Variants in ADARB2 observed in about 807,000 individuals in gnomAD.
ADARB2 encodes the protein inactive double-stranded RNA-specific editase B2.
ADARB2 carries 25 observed loss-of-function variants against 62.2 expected under a neutral mutation model. That is an observed-to-expected ratio of 0.40 (90% CI 0.29 to 0.56). The LOEUF (loss-of-function observed/expected upper bound fraction) is 0.56. Ranked by LOEUF, ADARB2 falls within the 20% of genes least tolerant of loss-of-function variation. The probability of loss-of-function intolerance (pLI) is 0.43; values close to 1 mark genes in which losing one functional copy is unlikely to be tolerated. For missense variants in ADARB2, 1,071 were observed against 1,077.4 expected (o/e 0.99, Z 0.08); for synonymous variants, 572 against 500.8 (o/e 1.14, Z -1.90).
chr10:1,509,806 G>C (rs980576118), intron 1 of ADARB2, among the ~76,000 whole-genome samples: 3 of 152,228 alleles, frequency 2.0e-5, no homozygotes, highest in African/African-American at 4.8e-5. Flanking sequence ...ATTCAGATGA[G>C]AGCCTGGCTA....
At chr10:1,553,178 G>A (rs4528239) in intron 1 of ADARB2, among the ~76,000 whole-genome samples, 61,657 of 152,092 alleles carry the variant, frequency 0.41, 12,614 homozygotes, top group African/African-American at 0.42. Context: ...TGTTTTAATC[G>A]TTAATTACCA....
chr10:1,692,206 G>A (rs567446115), intron 1 of ADARB2, among the ~76,000 whole-genome samples: 3 of 152,298 alleles, frequency 2.0e-5, no homozygotes, highest in African/African-American at 7.2e-5. Flanking sequence ...AGCATCACAT[G>A]GACATTTAAA....
chr10:1,524,095 T>TAGAG (rs1832109841), intron 1 of ADARB2, among the ~76,000 whole-genome samples: 1 of 152,232 alleles, frequency 6.6e-6, no homozygotes, highest in South Asian at 2.1e-4. Flanking sequence ...GATAGATAGA[T>TAGAG]AGATAGATTA....
At chr10:1,564,468 C>A (rs1301093795) in intron 1 of ADARB2, among the ~76,000 whole-genome samples, 2 of 152,088 alleles carry the variant, frequency 1.3e-5, no homozygotes, top group Admixed American at 6.5e-5. Context: ...TCAGAGTGAA[C>A]AGGCAACCTA....
chr10:1,481,672 C>A (rs959621743), intron 1 of ADARB2, among the ~76,000 whole-genome samples: 6 of 151,974 alleles, frequency 3.9e-5, no homozygotes, highest in Non-Finnish European at 8.8e-5. Flanking sequence ...GCCTGGCCAA[C>A]ATGGTGAAAC....
intron 1 of ADARB2, among the ~76,000 whole-genome samples, chr10:1,666,185 C>G (rs1834314083): frequency 6.6e-6 from 1 of 152,208 alleles, no homozygotes; most frequent in African/African-American, 2.4e-5. Flanking sequence ...CTGCATAGAA[C>G]CGGGAGGGAG....
chr10:1,234,448 C>A (rs113279990), intron 5 of ADARB2, among the ~76,000 whole-genome samples: 17 of 152,178 alleles, frequency 1.1e-4, no homozygotes, highest in African/African-American at 3.6e-4. Context: ...TATTATTATT[C>A]TTTTCTAAAG....
intron 1 of ADARB2, among the ~76,000 whole-genome samples, chr10:1,507,481 C>T (rs2131942267): frequency 6.6e-6 from 1 of 152,366 alleles, no homozygotes; most frequent in Non-Finnish European, 1.5e-5. Flanking sequence ...CTCGTGAGCA[C>T]ACATGGCAGT....
At chr10:1,642,301 A>T (rs1833987809) in intron 1 of ADARB2, among the ~76,000 whole-genome samples, 1 of 151,498 alleles carries the variant, frequency 6.6e-6, no homozygotes, top group African/African-American at 2.4e-5. Context: ...TTGAATGAAC[A>T]ATCCACCCAA....
intron 3 of ADARB2, among the ~76,000 whole-genome samples, chr10:1,345,866 G>C (rs1028483469): frequency 6.6e-5 from 10 of 152,200 alleles, no homozygotes; most frequent in Admixed American, 5.2e-4. Context: ...AGATTTCTCA[G>C]TTTAGATAAC....
rs1265169554 is a variant in ADARB2 at position 1,181,287 on chromosome 10, A to G, written c.*1906T>C. The G allele has an allele frequency of 6.6e-6, 1 of 152,264 alleles. No individual in the cohort carries two copies. The highest frequency in any genetic ancestry group is 1.5e-5 in the Non-Finnish European group (1 of 68,040). 9.4% of individuals were successfully genotyped at this position (152,264 alleles called of 1,614,324 possible). A position where few individuals can be genotyped will look rare whatever the true frequency, so the allele number is the denominator to read the frequency against. On this transcript the variant is annotated 3_prime_UTR_variant, in exon 10 of 10. Transcript: ENST00000381312. ...CTCGACTCTAAGTTCTCTAAGCTTC[A>G]TCCTAGTGATGTCAAGTTACCAGAA...
intron 1 of ADARB2, among the ~76,000 whole-genome samples, chr10:1,612,039 C>T (rs769388318): frequency 1.3e-5 from 2 of 152,150 alleles, no homozygotes; most frequent in Non-Finnish European, 2.9e-5. Context: ...CGCTGGGGGG[C>T]ACGATGAGGT....
intron 5 of ADARB2, among the ~76,000 whole-genome samples, chr10:1,235,111 C>A (rs1278531035): frequency 1.3e-5 from 2 of 151,840 alleles, no homozygotes; most frequent in Non-Finnish European, 2.9e-5. Context: ...TCTGTCTACA[C>A]ACCTGTGATT....
At chr10:1,724,170 C>T (rs1554738514) in intron 1 of ADARB2, among the ~76,000 whole-genome samples, 1 of 152,172 alleles carries the variant, frequency 6.6e-6, no homozygotes, top group Non-Finnish European at 1.5e-5. Context: ...AGCTGAAAAG[C>T]GTGCAGCCAA....
At chr10:1,385,231 G>T (rs769430980) in intron 1 of ADARB2, among the ~76,000 whole-genome samples, 4 of 152,074 alleles carry the variant, frequency 2.6e-5, no homozygotes, top group Non-Finnish European at 4.4e-5. Context: ...AGCAAATAAT[G>T]ATAGAGTAAT....
chr10:1,482,421 C>A (rs568629859), intron 1 of ADARB2, among the ~76,000 whole-genome samples: 58 of 152,248 alleles, frequency 3.8e-4, no homozygotes, highest in African/African-American at 1.3e-3. Context: ...TGAGATGAGC[C>A]GGCCATGAAA....
At chr10:1,734,966 A>G (rs1835282830) in intron 1 of ADARB2, among the ~76,000 whole-genome samples, 1 of 152,158 alleles carries the variant, frequency 6.6e-6, no homozygotes, top group Non-Finnish European at 1.5e-5. Context: ...GAAAATGCAA[A>G]TAATTATTTA....
chr10:1,240,651 G>C (rs939513688), intron 5 of ADARB2: 4 of 152,194 alleles, frequency 2.6e-5, no homozygotes, highest in Non-Finnish European at 4.4e-5. Flanking sequence ...TGGCTGCCCT[G>C]GACTCCCCCT....
rs1297592878 is a variant in ADARB2, at chr10:1,331,245, G to A, written c.1077+31783C>T. 1.1e-4 allele frequency among the ~76,000 whole-genome samples: 16 copies of A among 152,308 alleles called. 1 individual carries two copies. The South Asian group carries it at 3.3e-3, about 32-fold the overall frequency. ...TACATTTTAACTCATCAATCCTACT[G>A]CCAAGTATATACCCAAGAGAAATAA... On this transcript the variant is annotated intron_variant, in intron 3 of 9. Transcript: ENST00000381312.
Sources: allele counts gnomAD v4.1 joint callset (sites outside exome capture counted in the v4.1 genomes callset), GRCh38; gene constraint gnomAD v4.1.1; transcripts MANE v1.5; gene names NCBI Gene and HGNC (gene_info 2026-07-23, HGNC 2026-07-21).